Variants in SNRK observed in about 807,000 individuals in gnomAD.
SNRK encodes SNF-related serine/threonine-protein kinase.
A neutral mutation model predicts 48.2 loss-of-function variants in SNRK; 3 were observed. That is an observed-to-expected ratio of 0.06 (90% confidence interval 0.03 to 0.16). The LOEUF (loss-of-function observed/expected upper bound fraction) is 0.16, where lower values mean the gene tolerates loss of function less well. Ranked by LOEUF, SNRK falls within the 10% of genes least tolerant of loss-of-function variation. The probability of loss-of-function intolerance (pLI) is 1.00; values close to 1 mark genes in which losing one functional copy is unlikely to be tolerated. For synonymous variants in SNRK, 376 were observed against 366.1 expected (o/e 1.03, Z -0.31); for missense variants, 627 against 976.0 (o/e 0.64, Z 4.76).
chr3:43,332,879 C>T (rs2091157319), intron 4 of SNRK: 1 of 152,126 alleles, frequency 6.6e-6, no homozygotes, highest in African/African-American at 2.4e-5. Flanking sequence ...TAAAGTAGTA[C>T]ATAGTACTAT....
Position 43,348,124 on chromosome 3 carries a change from C to G in SNRK, c.1865C>G (p.Thr622Ser). 6.3e-7 allele frequency: 1 copy of G among 1,583,096 alleles called. No individual in the cohort carries two copies. Among genetic ancestry groups the G allele is most frequent in the Non-Finnish European group, 8.6e-7 (1 of 1,165,166 alleles). The part of the protein sequence containing the change: ...SGGNPTNTSG[T>S]TRRCAGPSNS... ...GGCAACCCCACCAATACATCGGGTA[C>G]CACACGCCGCTGTGCCGGCCCCAGC... Residue 622 changes from threonine to serine, a missense_variant, in exon 7 of 7, where the codon ACC becomes AGC. Transcript: ENST00000296088.
At chr3:43,307,238 TG>T (rs2090944592) in intron 3 of SNRK, among the ~76,000 whole-genome samples, 2 of 152,356 alleles carry the variant, frequency 1.3e-5, no homozygotes, top group Middle Eastern at 3.4e-3. Context: ...TTTTACATGA[TG>T]AGTTATACCT....
intron 3 of SNRK, among the ~76,000 whole-genome samples, chr3:43,323,020 C>T (rs893523634): frequency 4.0e-5 from 6 of 149,278 alleles, no homozygotes; most frequent in Admixed American, 1.3e-4. Context: ...ATAGAAAGTC[C>T]ATAAATAAAC....
chr3:43,323,341 G>T (rs2091070004), intron 3 of SNRK, among the ~76,000 whole-genome samples: 1 of 152,178 alleles, frequency 6.6e-6, no homozygotes, highest in African/African-American at 2.4e-5. Context: ...CACCAGAAAA[G>T]ACATAATATG....
At chr3:43,295,819 A>C (rs1054538157) in intron 1 of SNRK, among the ~76,000 whole-genome samples, 12 of 151,964 alleles carry the variant, frequency 7.9e-5, no homozygotes, top group African/African-American at 2.7e-4. Context: ...GCTCACTGCA[A>C]CCTCCACCTC....
At position 43,303,141 on chromosome 3, in the gene SNRK, A is replaced by C; in HGVS notation, c.-63A>C. The stretch of plus-strand genomic sequence containing the variant: ...AAAATGAATTTTTTGTATTCACCAG[A>C]TATTCTTATATGAGAAGATCTATTT... On this transcript the variant is annotated 5_prime_UTR_variant, in exon 3 of 7. Coordinates refer to ENST00000296088, the MANE Select transcript of SNRK (RefSeq NM_017719.5). The surrounding 1 kb of genome is among the most constrained non-coding windows in gnomAD (Gnocchi z 6.2). The C allele has an allele frequency of 4.2e-6, 5 of 1,198,458 alleles. No homozygotes were observed. The highest frequency in any genetic ancestry group is 5.9e-6 in the Non-Finnish European group (5 of 850,530). The allele number at this position is 1,198,458 out of a possible 1,614,324, so 74.2% of individuals were successfully genotyped here.
intron 3 of SNRK, among the ~76,000 whole-genome samples, chr3:43,309,151 G>T (rs1050704168): frequency 1.2e-4 from 18 of 151,106 alleles, no homozygotes; most frequent in African/African-American, 4.1e-4. Flanking sequence ...CAAAGAAAGT[G>T]TTTTTTTTTA....
At chr3:43,309,024 A>G (rs1283513679) in intron 3 of SNRK, among the ~76,000 whole-genome samples, 1 of 152,198 alleles carries the variant, frequency 6.6e-6, no homozygotes, top group African/African-American at 2.4e-5. Context: ...GGAGGAAATA[A>G]CTGCATATGT....
At chr3:43,329,483 C>T (rs555433231) in intron 3 of SNRK, among the ~76,000 whole-genome samples, 1 of 152,170 alleles carries the variant, frequency 6.6e-6, no homozygotes, top group South Asian at 2.1e-4. Flanking sequence ...ATAAATGGCC[C>T]CTTGAATAAT....
intron 2 of SNRK, among the ~76,000 whole-genome samples, chr3:43,300,311 T>A (rs1237534277): frequency 6.6e-6 from 1 of 152,146 alleles, no homozygotes; most frequent in Non-Finnish European, 1.5e-5. Context: ...TCTCTAGGTG[T>A]CTGAGGCTCT....
chr3:43,313,170 GTAAATATGCTCTTATAAAAC>G (rs373420520), intron 3 of SNRK, among the ~76,000 whole-genome samples: 2,167 of 152,262 alleles, frequency 0.014, 57 homozygotes, highest in African/African-American at 0.049. Flanking sequence ...TCTTATAAAA[GTAAATATGCTCTTATAAAAC>G]TAAATATGCA....
chr3:43,343,571 G>A, intron 6 of SNRK, 93 bp downstream of exon 6: 5 of 1,348,604 alleles, frequency 3.7e-6, no homozygotes, highest in Non-Finnish European at 5.1e-6. Context: ...ACTCTTTGGG[G>A]CAAGAGAGTA....
Position 43,303,834 on chromosome 3 carries a change from C to A in SNRK, c.589+42C>A. On this transcript the variant is annotated intron_variant, in intron 3 of 6. Transcript: ENST00000296088. This position sits in a 1 kb window ranked among gnomAD's most constrained non-coding sequence, Gnocchi z 6.2. ...CAGTATTTGGCCATTTGAATTCTGC[C>A]AGCTAGAGTTGGTCAGATCGGTTGT... The A allele has an allele frequency of 7.3e-7, 1 of 1,363,862 alleles. No individual in the cohort carries two copies. The highest frequency in any genetic ancestry group is 1.0e-6 in the Non-Finnish European group (1 of 972,322). The allele number at this position is 1,363,862 out of a possible 1,614,324, so 84.5% of individuals were successfully genotyped here. A position where few individuals can be genotyped will look rare whatever the true frequency, so the allele number is the denominator to read the frequency against.
intron 1 of SNRK, among the ~76,000 whole-genome samples, chr3:43,288,237 A>AT (rs963138386): frequency 2.0e-5 from 3 of 151,652 alleles, no homozygotes; most frequent in East Asian, 1.9e-4. Context: ...CCACCTTTCA[A>AT]TTTTTTTTTA....
At chr3:43,288,478 G>A (rs1384459755) in intron 1 of SNRK, among the ~76,000 whole-genome samples, 17 of 152,206 alleles carry the variant, frequency 1.1e-4, no homozygotes, top group Non-Finnish European at 2.1e-4. Flanking sequence ...GCTTTTAAAT[G>A]TCCTTATTAA....
chr3:43,308,227 A>G (rs1314017477), intron 3 of SNRK, among the ~76,000 whole-genome samples: 1 of 152,240 alleles, frequency 6.6e-6, no homozygotes, highest in East Asian at 1.9e-4. Context: ...ACAAGATGAA[A>G]CAGCAAGTGC....
intron 3 of SNRK, among the ~76,000 whole-genome samples, chr3:43,314,011 A>C (rs1206770090): frequency 6.6e-6 from 1 of 152,242 alleles, no homozygotes; most frequent in African/African-American, 2.4e-5. Flanking sequence ...ACAGAAACAC[A>C]GTATATTTTG....
intron 3 of SNRK, among the ~76,000 whole-genome samples, chr3:43,331,478 A>G (rs1226174521): frequency 1.3e-5 from 2 of 152,176 alleles, no homozygotes; most frequent in Non-Finnish European, 2.9e-5. Context: ...TTTTAGACAG[A>G]TGTTTGCCCT....
At chr3:43,297,571 AT>A (rs146345764) in intron 1 of SNRK, among the ~76,000 whole-genome samples, 8 of 150,744 alleles carry the variant, frequency 5.3e-5, no homozygotes, top group Admixed American at 4.0e-4. Flanking sequence ...GGGATAATGG[AT>A]TTTTTTTTCA....
Sources: allele counts gnomAD v4.1 joint callset (sites outside exome capture counted in the v4.1 genomes callset), GRCh38; gene constraint gnomAD v4.1.1; non-coding constraint Gnocchi (gnomAD v3.1); transcripts MANE v1.5; gene names NCBI Gene and HGNC (gene_info 2026-07-23, HGNC 2026-07-21).